LOC128462377: variants seen among roughly 807,000 people sequenced by gnomAD.
chr16:89,321,405 T>G, the LOC128462377 span, among the ~76,000 whole-genome samples: 1 of 39,598 alleles, frequency 2.5e-5, no homozygotes, highest in African/African-American at 9.8e-5. Context: ...GGCGGGACTG[T>G]GGGGAGGGGA....
At chr16:89,340,931 T>C in the LOC128462377 span, among the ~76,000 whole-genome samples, 507 of 152,266 alleles carry the variant, frequency 3.3e-3, 1 homozygote, top group African/African-American at 0.012. Context: ...ATGTGGGCAG[T>C]GATGTGGGAG....
At chr16:89,330,046 T>G in the LOC128462377 span, among the ~76,000 whole-genome samples, 2 of 149,086 alleles carry the variant, frequency 1.3e-5, no homozygotes, top group Non-Finnish European at 3.0e-5. Context: ...AACATAAAAT[T>G]TTGTTTATGT....
At chr16:89,351,190 G>T in the LOC128462377 span, among the ~76,000 whole-genome samples, 1 of 152,246 alleles carries the variant, frequency 6.6e-6, no homozygotes, top group Non-Finnish European at 1.5e-5. Context: ...AAAGCAGAGA[G>T]GCGGCGGCGG....
the LOC128462377 span, among the ~76,000 whole-genome samples, chr16:89,346,458 C>G: frequency 6.6e-6 from 1 of 152,092 alleles, no homozygotes; most frequent in African/African-American, 2.4e-5. Context: ...AATAATCACG[C>G]AATCCATTTT....
the LOC128462377 span, among the ~76,000 whole-genome samples, chr16:89,401,007 G>A: frequency 2.4e-4 from 37 of 152,320 alleles, no homozygotes; most frequent in South Asian, 7.7e-3. Context: ...AAGATGGAAA[G>A]GGAGGCCCCG....
At chr16:89,401,425 T>C in the LOC128462377 span, among the ~76,000 whole-genome samples, 3 of 152,140 alleles carry the variant, frequency 2.0e-5, no homozygotes, top group African/African-American at 7.2e-5. Context: ...GCTGGGATAA[T>C]GGGAAATTAA....
At chr16:89,357,578 A>G in the LOC128462377 span, among the ~76,000 whole-genome samples, 1 of 152,230 alleles carries the variant, frequency 6.6e-6, no homozygotes, top group African/African-American at 2.4e-5. Flanking sequence ...TTCGACGTTC[A>G]CAGTTCACAC....
At chr16:89,322,867 T>TTGTC in the LOC128462377 span, among the ~76,000 whole-genome samples, 18 of 152,130 alleles carry the variant, frequency 1.2e-4, no homozygotes, top group African/African-American at 4.1e-4. Context: ...GTTTGTTTGT[T>TTGTC]TGAGACAGCT....
chr16:89,351,750 C>T, the LOC128462377 span, among the ~76,000 whole-genome samples: 1 of 152,164 alleles, frequency 6.6e-6, no homozygotes, highest in Non-Finnish European at 1.5e-5. Context: ...GCAGGGGGAA[C>T]AAGGAGTGAC....
chr16:89,411,168 AC>A, the LOC128462377 span, among the ~76,000 whole-genome samples: 1 of 152,216 alleles, frequency 6.6e-6, no homozygotes, highest in African/African-American at 2.4e-5. Flanking sequence ...GGCTGTCCAC[AC>A]CCAGGGCCAC....
At chr16:89,409,529 A>C in the LOC128462377 span, among the ~76,000 whole-genome samples, 1 of 152,156 alleles carries the variant, frequency 6.6e-6, no homozygotes, top group Non-Finnish European at 1.5e-5. Context: ...CAAGAGCAGG[A>C]AAGGCTGGGT....
At chr16:89,399,895 A>G in the LOC128462377 span, among the ~76,000 whole-genome samples, 10 of 152,310 alleles carry the variant, frequency 6.6e-5, no homozygotes, top group African/African-American at 2.4e-4. Context: ...ATCGGCTCCC[A>G]GAGCACAGGA....
chr16:89,343,334 C>G, the LOC128462377 span, among the ~76,000 whole-genome samples: 81,938 of 152,104 alleles, frequency 0.54, 22,476 homozygotes, highest in African/African-American at 0.65. Context: ...TTCCCAAAAA[C>G]AGAAAAATTG....
At chr16:89,411,347 AC>A in the LOC128462377 span, among the ~76,000 whole-genome samples, 1 of 152,218 alleles carries the variant, frequency 6.6e-6, no homozygotes, top group Non-Finnish European at 1.5e-5. Context: ...CCTTGACTGC[AC>A]CGGAAGAGGA....
chr16:89,403,228 G>A, the LOC128462377 span, among the ~76,000 whole-genome samples: 1 of 152,112 alleles, frequency 6.6e-6, no homozygotes, highest in Non-Finnish European at 1.5e-5. Context: ...TCTGCTTTAC[G>A]GGCACTGACA....
chr16:89,337,362 T>G, the LOC128462377 span, among the ~76,000 whole-genome samples: 9 of 145,136 alleles, frequency 6.2e-5, no homozygotes, highest in Middle Eastern at 3.5e-3. Context: ...GGATTTGCCA[T>G]CAGACACTCA....
At chr16:89,375,205 C>T in the LOC128462377 span, among the ~76,000 whole-genome samples, 11 of 152,064 alleles carry the variant, frequency 7.2e-5, no homozygotes, top group African/African-American at 2.4e-4. Context: ...TCAAGTGTGT[C>T]GGTATCCGCT....
the LOC128462377 span, among the ~76,000 whole-genome samples, chr16:89,350,542 C>T: frequency 6.6e-6 from 1 of 152,194 alleles, no homozygotes; most frequent in Non-Finnish European, 1.5e-5. Flanking sequence ...ACACACCAGA[C>T]ACAAGAGTCC....
the LOC128462377 span, among the ~76,000 whole-genome samples, chr16:89,360,309 CT>C: frequency 4.3e-3 from 652 of 152,354 alleles, no homozygotes; most frequent in Non-Finnish European, 7.0e-3. Context: ...GTTGCCCAAG[CT>C]GGCCTGAAAC....
Sources: allele counts gnomAD v4.1 joint callset (sites outside exome capture counted in the v4.1 genomes callset), GRCh38; gene constraint gnomAD v4.1.1; transcripts MANE v1.5.